Variants in TTLL11 observed in about 807,000 individuals in gnomAD.
TTLL11 encodes tubulin tyrosine ligase like 11.
Under a neutral mutation model 51.7 loss-of-function variants are expected in TTLL11, and 42 were observed. The ratio of observed to expected loss-of-function variants is 0.81; its 90% CI spans 0.64 to 1.05. The LOEUF (loss-of-function observed/expected upper bound fraction) is 1.05, where lower values mean the gene tolerates loss of function less well. TTLL11 is among the 50% of genes least tolerant of loss of function. The probability of loss-of-function intolerance (pLI) is 0.00; values close to 1 mark genes in which losing one functional copy is unlikely to be tolerated. For missense variants in TTLL11, 799 were observed against 940.4 expected (o/e 0.85, Z 1.97); for synonymous variants, 381 against 383.5 (o/e 0.99, Z 0.08).
At chr9:122,067,311 A>G (rs1372089746) in intron 1 of TTLL11, among the ~76,000 whole-genome samples, 2 of 152,188 alleles carry the variant, frequency 1.3e-5, no homozygotes, top group Admixed American at 1.3e-4. Flanking sequence ...CAAAACAAAA[A>G]CAAAAGAGGC....
chr9:121,929,375 G>A (rs1169942674), intron 6 of TTLL11, among the ~76,000 whole-genome samples: 1 of 151,208 alleles, frequency 6.6e-6, no homozygotes, highest in East Asian at 1.9e-4. Context: ...AGGAGGCAGA[G>A]GTTGCAGTGA....
At chr9:122,074,951 G>T (rs1298547791) in intron 1 of TTLL11, among the ~76,000 whole-genome samples, 2 of 151,780 alleles carry the variant, frequency 1.3e-5, no homozygotes, top group Non-Finnish European at 2.9e-5. Context: ...TCTAAATAGG[G>T]ATCTGCTTTG....
intron 6 of TTLL11, among the ~76,000 whole-genome samples, chr9:121,907,744 A>G (rs1178078934): frequency 1.3e-5 from 2 of 152,178 alleles, no homozygotes; most frequent in Non-Finnish European, 2.9e-5. Context: ...TCTTACTACA[A>G]ATTTCTTGGG....
chr9:121,866,135 C>T (rs1399691777), intron 7 of TTLL11, among the ~76,000 whole-genome samples: 2 of 152,144 alleles, frequency 1.3e-5, no homozygotes, highest in Non-Finnish European at 2.9e-5. Flanking sequence ...TTTCAAAGTG[C>T]TCCTGAGAAG....
chr9:121,999,576 G>A (rs1843400370), intron 3 of TTLL11, among the ~76,000 whole-genome samples: 1 of 152,162 alleles, frequency 6.6e-6, no homozygotes, highest in African/African-American at 2.4e-5. Context: ...CTGAATTGCT[G>A]CAATAGCTTC....
intron 6 of TTLL11, among the ~76,000 whole-genome samples, chr9:121,904,396 C>T (rs1050219463): frequency 6.6e-6 from 1 of 152,116 alleles, no homozygotes; most frequent in Non-Finnish European, 1.5e-5. Flanking sequence ...AGTATGGTGT[C>T]AATCTCTTGA....
intron 8 of TTLL11, among the ~76,000 whole-genome samples, chr9:121,830,399 C>T (rs750099027): frequency 5.3e-5 from 8 of 152,148 alleles, no homozygotes; most frequent in Non-Finnish European, 1.0e-4. Context: ...TGCTGAATCC[C>T]GCTCCTTCCC....
At chr9:121,829,281 A>G (rs1371477333) in intron 8 of TTLL11, among the ~76,000 whole-genome samples, 2 of 152,076 alleles carry the variant, frequency 1.3e-5, no homozygotes, top group Admixed American at 1.3e-4. Context: ...AAAATTTTTA[A>G]AAAGAAAATC....
intron 6 of TTLL11, among the ~76,000 whole-genome samples, chr9:121,914,370 C>T (rs911804541): frequency 2.0e-5 from 3 of 152,172 alleles, no homozygotes; most frequent in Admixed American, 2.0e-4. Context: ...AGGGCCTATA[C>T]CATAATAAGG....
chr9:122,048,860 T>C (rs999580616), intron 1 of TTLL11, among the ~76,000 whole-genome samples: 21 of 152,298 alleles, frequency 1.4e-4, no homozygotes, highest in Middle Eastern at 3.4e-3. Flanking sequence ...ATCTTGTCTG[T>C]ACATCTGTCC....
intron 8 of TTLL11, among the ~76,000 whole-genome samples, chr9:121,837,830 A>C (rs1837223245): frequency 6.6e-6 from 1 of 152,002 alleles, no homozygotes. Flanking sequence ...TTCCACTCCC[A>C]TGTCAGCTCT....
chr9:122,090,547 C>A (rs566580701), intron 1 of TTLL11, among the ~76,000 whole-genome samples: 172 of 152,324 alleles, frequency 1.1e-3, no homozygotes, highest in Non-Finnish European at 6.3e-4. Context: ...CAACTCAGCT[C>A]GGGTTTATTT....
chr9:121,885,494 C>A (rs1174513300), intron 6 of TTLL11: 1 of 152,252 alleles, frequency 6.6e-6, no homozygotes, highest in Non-Finnish European at 1.5e-5. Flanking sequence ...TAAGCACATC[C>A]TCTTATTTGA....
chr9:122,070,201 T>C (rs560538222), intron 1 of TTLL11, among the ~76,000 whole-genome samples: 6 of 152,206 alleles, frequency 3.9e-5, no homozygotes, highest in Admixed American at 1.3e-4. Flanking sequence ...GGCTTCAAGA[T>C]GGAGCTCATA....
At chr9:121,855,938 G>T (rs148385878) in intron 8 of TTLL11, among the ~76,000 whole-genome samples, 1 of 152,122 alleles carries the variant, frequency 6.6e-6, no homozygotes, top group African/African-American at 2.4e-5. Context: ...TTCCCCCCAT[G>T]ATAGCTCTGG....
At chr9:122,073,158 C>G (rs1166050727) in intron 1 of TTLL11, among the ~76,000 whole-genome samples, 1 of 152,078 alleles carries the variant, frequency 6.6e-6, no homozygotes, top group Non-Finnish European at 1.5e-5. Flanking sequence ...ACCTATAATC[C>G]CAGCACTTTG....
chr9:122,019,223 T>C (rs371348442), intron 3 of TTLL11, among the ~76,000 whole-genome samples: 3 of 152,324 alleles, frequency 2.0e-5, no homozygotes, highest in Non-Finnish European at 2.9e-5. Context: ...CCTAGATGAA[T>C]AGAACAGCCT....
At chr9:121,984,649 C>CA (rs1449498749) in intron 4 of TTLL11, among the ~76,000 whole-genome samples, 6 of 151,514 alleles carry the variant, frequency 4.0e-5, no homozygotes, top group Non-Finnish European at 7.4e-5. Flanking sequence ...AGGAGGAGGT[C>CA]AAAAAAACAA....
chr9:121,844,566 T>G (rs1202585261), intron 8 of TTLL11, among the ~76,000 whole-genome samples: 5 of 152,164 alleles, frequency 3.3e-5, no homozygotes, highest in Non-Finnish European at 5.9e-5. Flanking sequence ...GATGTTGGAA[T>G]TATCCAATGG....
Sources: gnomAD v4.1 joint callset for allele counts (sites outside exome capture counted in the v4.1 genomes callset) on GRCh38, gnomAD v4.1.1 for gene constraint, MANE v1.5 for transcripts, NCBI Gene and HGNC (gene_info 2026-07-23, HGNC 2026-07-21) for gene names.